PCDH15: variants seen among roughly 807,000 people sequenced by gnomAD.
PCDH15 encodes protocadherin-15.
A neutral mutation model predicts 178.5 loss-of-function variants in PCDH15; 129 were observed. That is an observed-to-expected ratio of 0.72 (90% CI 0.63 to 0.84). The LOEUF is 0.84. Among genes scored for constraint, PCDH15 ranks in the 40% least tolerant of loss-of-function variants. The pLI is 0.00. For synonymous variants in PCDH15, 800 were observed against 732.0 expected, an observed-to-expected ratio of 1.09 and a Z score of -1.50; for missense variants, 2,230 against 2,099.9, an observed-to-expected ratio of 1.06 and a Z score of -1.21.
At chr10:55,398,978 T>G (rs1837996041) in intron 2 of PCDH15, among the ~76,000 whole-genome samples, 1 of 152,166 alleles carries the variant, frequency 6.6e-6, no homozygotes, top group Non-Finnish European at 1.5e-5. Flanking sequence ...TTGTGTAGAA[T>G]AACTATTATA....
intron 1 of PCDH15, among the ~76,000 whole-genome samples, chr10:54,722,951 T>C (rs531036869): frequency 8.6e-4 from 131 of 151,772 alleles, no homozygotes; most frequent in Admixed American, 2.6e-3. Flanking sequence ...ATCAACATCA[T>C]TAAAGTAAAC....
intron 2 of PCDH15, among the ~76,000 whole-genome samples, chr10:55,563,983 T>C (rs895277098): frequency 6.6e-6 from 1 of 152,036 alleles, no homozygotes; most frequent in East Asian, 1.9e-4. Flanking sequence ...TGAATAAGTA[T>C]ATATCTCAGT....
intron 2 of PCDH15, among the ~76,000 whole-genome samples, chr10:54,645,796 ATAT>A (rs962337360): frequency 1.1e-4 from 16 of 152,186 alleles, no homozygotes; most frequent in Non-Finnish European, 1.2e-4. Flanking sequence ...TAAATTGAAA[ATAT>A]TATTATAACA....
At chr10:54,324,131 T>G (rs12245608) in intron 7 of PCDH15, among the ~76,000 whole-genome samples, 7,138 of 152,110 alleles carry the variant, frequency 0.047, 516 homozygotes, top group African/African-American at 0.16. Flanking sequence ...TAACACTAAT[T>G]CCACACATCA....
intron 1 of PCDH15, among the ~76,000 whole-genome samples, chr10:55,243,059 A>G (rs1841595517): frequency 6.6e-6 from 1 of 152,172 alleles, no homozygotes; most frequent in East Asian, 1.9e-4. Flanking sequence ...TTTTTTTTCA[A>G]AACAACTTTC....
intron 2 of PCDH15, among the ~76,000 whole-genome samples, chr10:54,590,941 G>A (rs552068251): frequency 6.6e-6 from 1 of 151,928 alleles, no homozygotes; most frequent in Non-Finnish European, 1.5e-5. Context: ...AGAAATAATA[G>A]TATTTACATG....
rs138847488 is a variant in PCDH15, at chr10:55,439,043, C to T, written c.-156+188582G>A. 1.9e-3 allele frequency among the ~76,000 whole-genome samples: 291 copies of T among 152,012 alleles called. 2 individuals are homozygous for T. The highest frequency in any genetic ancestry group is 6.9e-3 in the African/African-American group (288 of 41,464). ...CCTCCCGAGTAACTAGGACTACAGG[C>T]GCCCACCACCACGCTTGGCTAATTT... is the stretch of plus-strand genomic sequence containing the variant. On this transcript the variant is annotated intron_variant, in intron 2 of 5. Coordinates refer to the PCDH15 transcript ENST00000613346.
At chr10:54,346,591 T>C (rs1943330197) in intron 5 of PCDH15, 107 bp from the exon 6 acceptor site, 4 of 1,314,796 alleles carry the variant, frequency 3.0e-6, no homozygotes, top group Admixed American at 1.7e-5. Flanking sequence ...AAGATACCAG[T>C]TGGCAGCCCA....
At chr10:54,601,455 GATC>G (rs1208777524) in intron 2 of PCDH15, among the ~76,000 whole-genome samples, 1 of 151,958 alleles carries the variant, frequency 6.6e-6, no homozygotes, top group Non-Finnish European at 1.5e-5. Context: ...CAACATCACT[GATC>G]ATTAGAGACA....
rs114560555 is a variant in PCDH15 at position 55,160,573 on chromosome 10, C to A, written c.-80+6003G>T. Among the ~76,000 whole-genome samples, 971 of 152,036 alleles carry A rather than the reference C, an allele frequency of 6.4e-3. 9 individuals carry two copies. Among genetic ancestry groups the A allele is most frequent in the African/African-American group, 0.022 (912 of 41,486 alleles). On this transcript the variant is annotated intron_variant, in intron 2 of 5. Coordinates refer to the PCDH15 transcript ENST00000458638. The stretch of plus-strand genomic sequence containing the variant: ...CCATTCTTACCTAAGGGCAAATGGG[C>A]CCCTCTCAATCAAAGAATGAAAGGA...
chr10:55,197,043 C>T (rs1840112401), intron 1 of PCDH15, among the ~76,000 whole-genome samples: 4 of 151,966 alleles, frequency 2.6e-5, no homozygotes, highest in Admixed American at 2.0e-4. Flanking sequence ...ACTTAAAATG[C>T]TCACCACTTC....
At chr10:54,848,270 C>T (rs1953548096) in intron 3 of PCDH15, among the ~76,000 whole-genome samples, 1 of 150,910 alleles carries the variant, frequency 6.6e-6, no homozygotes, top group African/African-American at 2.4e-5. Flanking sequence ...GTAATCCCAG[C>T]TACTTGGGAG....
chr10:53,875,681 C>T (rs2080180748), intron 26 of PCDH15, among the ~76,000 whole-genome samples: 1 of 151,918 alleles, frequency 6.6e-6, no homozygotes, highest in South Asian at 2.1e-4. Context: ...TATAATTATA[C>T]TTGCTATAAT....
chr10:53,851,344 T>G (rs2078343420), intron 28 of PCDH15, among the ~76,000 whole-genome samples: 1 of 151,970 alleles, frequency 6.6e-6, no homozygotes, highest in Non-Finnish European at 1.5e-5. Context: ...TTTTATGCAA[T>G]CGAATAGAAG....
intron 2 of PCDH15, among the ~76,000 whole-genome samples, chr10:54,556,358 T>C (rs938635079): frequency 1.5e-5 from 2 of 135,396 alleles, no homozygotes; most frequent in Non-Finnish European, 3.2e-5. Flanking sequence ...TGCTAGACAC[T>C]GAAGGACCTT....
chr10:54,086,073 G>T (rs1259947582), intron 16 of PCDH15, among the ~76,000 whole-genome samples: 2 of 152,020 alleles, frequency 1.3e-5, no homozygotes, highest in Non-Finnish European at 2.9e-5. Flanking sequence ...TGCTATAAAG[G>T]AATACTTATG....
chr10:53,871,776 G>A (rs1012160772), intron 26 of PCDH15, among the ~76,000 whole-genome samples: 2 of 150,252 alleles, frequency 1.3e-5, no homozygotes, highest in African/African-American at 5.0e-5. Context: ...TTTTTGAGAT[G>A]GAGTTTCACT....
intron 4 of PCDH15, among the ~76,000 whole-genome samples, chr10:54,373,169 C>T (rs1947929550): frequency 6.6e-6 from 1 of 151,360 alleles, no homozygotes; most frequent in Non-Finnish European, 1.5e-5. Context: ...TTCTAGAAAC[C>T]AAATGATTTG....
At chr10:54,058,509 C>T (rs1011966449) in intron 18 of PCDH15, among the ~76,000 whole-genome samples, 11 of 152,002 alleles carry the variant, frequency 7.2e-5, no homozygotes, top group African/African-American at 2.7e-4. Context: ...AAAGACCTGC[C>T]CTGATGATTC....
Sources: gnomAD v4.1 joint callset for allele counts (sites outside exome capture counted in the v4.1 genomes callset) on GRCh38, gnomAD v4.1.1 for gene constraint, MANE v1.5 for transcripts, NCBI Gene and HGNC (gene_info 2026-07-23, HGNC 2026-07-21) for gene names.